DRC9: variants seen among roughly 807,000 people sequenced by gnomAD.
DRC9 encodes dynein regulatory complex protein 9.
the DRC9 span, among the ~76,000 whole-genome samples, chr3:197,951,863 A>AATTTTTGT: frequency 2.6e-5 from 4 of 151,906 alleles, no homozygotes; most frequent in Admixed American, 2.6e-4. Context: ...ACGCCCGGCT[A>AATTTTTGT]ATTTTTGTAT....
chr3:197,929,050 T>G, the DRC9 span, among the ~76,000 whole-genome samples: 3 of 152,330 alleles, frequency 2.0e-5, no homozygotes, highest in South Asian at 2.1e-4. This position sits in a 1 kb window ranked among gnomAD's most constrained non-coding sequence, Gnocchi z 4.6. Flanking sequence ...TGGTTAGTTT[T>G]GGCCAGGTTG....
the DRC9 span, among the ~76,000 whole-genome samples, chr3:197,928,083 G>A: frequency 3.9e-5 from 6 of 152,196 alleles, no homozygotes; most frequent in East Asian, 7.7e-4. Flanking sequence ...TTTTGCACAC[G>A]TGCCCTAGAA....
the DRC9 span, among the ~76,000 whole-genome samples, chr3:197,922,463 T>C: frequency 2.0e-5 from 3 of 152,144 alleles, no homozygotes. Context: ...CTCAGCACTT[T>C]GGGAGGCCGA....
chr3:197,906,772 C>CA, the DRC9 span: 3 of 152,372 alleles, frequency 2.0e-5, no homozygotes, highest in Non-Finnish European at 4.4e-5. Context: ...CCCACACCCT[C>CA]ACACCCCAGT....
chr3:197,901,148 C>T, the DRC9 span, among the ~76,000 whole-genome samples: 2 of 151,900 alleles, frequency 1.3e-5, no homozygotes, highest in African/African-American at 2.4e-5. This position sits in a 1 kb window ranked among gnomAD's most constrained non-coding sequence, Gnocchi z 4.4. Flanking sequence ...GGCCTTGACT[C>T]TTTTTTTTGA....
chr3:197,899,826 T>C, the DRC9 span, among the ~76,000 whole-genome samples: 1 of 152,070 alleles, frequency 6.6e-6, no homozygotes, highest in African/African-American at 2.4e-5. Flanking sequence ...AGGTAAGCAA[T>C]CGCAGTACCT....
At chr3:197,889,849 G>T in the DRC9 span, 3 of 1,009,754 alleles carry the variant, frequency 3.0e-6, no homozygotes, top group Non-Finnish European at 4.5e-6. Context: ...AAGTAGCCAG[G>T]CACGTAATCA....
chr3:197,931,236 C>A, the DRC9 span, among the ~76,000 whole-genome samples: 1 of 152,004 alleles, frequency 6.6e-6, no homozygotes, highest in Non-Finnish European at 1.5e-5. Context: ...AATCCCAGCA[C>A]TTTGGGAGGC....
At chr3:197,942,986 C>A in the DRC9 span, among the ~76,000 whole-genome samples, 2 of 151,448 alleles carry the variant, frequency 1.3e-5, no homozygotes, top group Admixed American at 6.6e-5. Context: ...TAAATTGTTT[C>A]CATTTTATAC....
the DRC9 span, chr3:197,952,484 CTTTCT>C: frequency 6.6e-6 from 1 of 151,374 alleles, no homozygotes; most frequent in African/African-American, 2.4e-5. Flanking sequence ...TTTTTCTTTT[CTTTCT>C]TTTCTTTTTT....
At chr3:197,933,201 C>T in the DRC9 span, among the ~76,000 whole-genome samples, 7 of 151,220 alleles carry the variant, frequency 4.6e-5, no homozygotes, top group East Asian at 1.9e-4. Context: ...CAGTGGCTCA[C>T]GCCTGTAATC....
the DRC9 span, among the ~76,000 whole-genome samples, chr3:197,906,980 T>C: frequency 6.6e-6 from 1 of 152,210 alleles, no homozygotes. Flanking sequence ...AGAATCCCAG[T>C]GGCCAAAGGC....
At chr3:197,892,524 C>T in the DRC9 span, 2 of 1,374,390 alleles carry the variant, frequency 1.5e-6, no homozygotes, top group Non-Finnish European at 1.0e-6. Flanking sequence ...TGATTCCTTC[C>T]ACTCCCTCCT....
chr3:197,931,907 G>C, the DRC9 span, among the ~76,000 whole-genome samples: 1 of 151,998 alleles, frequency 6.6e-6, no homozygotes, highest in Admixed American at 6.6e-5. Flanking sequence ...TTACAAGCGT[G>C]AGCCACCGCG....
At chr3:197,928,234 GTTATA>G in the DRC9 span, among the ~76,000 whole-genome samples, 2 of 151,362 alleles carry the variant, frequency 1.3e-5, no homozygotes, top group Admixed American at 1.3e-4. Context: ...ACAAAACTAA[GTTATA>G]TTATGGGTAT....
chr3:197,893,300 T>A, the DRC9 span, among the ~76,000 whole-genome samples: 1 of 124,988 alleles, frequency 8.0e-6, no homozygotes, highest in South Asian at 2.5e-4. Context: ...GAGGTTGCGG[T>A]AAGCCCAGAT....
the DRC9 span, among the ~76,000 whole-genome samples, chr3:197,929,161 C>T: frequency 2.5e-3 from 382 of 152,320 alleles, 2 homozygotes; most frequent in African/African-American, 8.3e-3. This position sits in a 1 kb window ranked among gnomAD's most constrained non-coding sequence, Gnocchi z 4.6. Flanking sequence ...GACCAAAAAA[C>T]ATTCTGCTTA....
At chr3:197,926,277 A>G in the DRC9 span, among the ~76,000 whole-genome samples, 2 of 152,108 alleles carry the variant, frequency 1.3e-5, no homozygotes, top group African/African-American at 2.4e-5. Context: ...TTCCCAAGCA[A>G]TGCTAACAGG....
the DRC9 span, chr3:197,889,741 G>A: frequency 4.3e-6 from 7 of 1,613,430 alleles, no homozygotes; most frequent in Admixed American, 1.7e-5. Flanking sequence ...GAGTGAGTAC[G>A]ACGTATGCTA....
Sources: gnomAD v4.1 joint callset for allele counts (sites outside exome capture counted in the v4.1 genomes callset) on GRCh38, gnomAD v4.1.1 for gene constraint, Gnocchi (gnomAD v3.1) non-coding constraint, MANE v1.5 for transcripts, NCBI Gene and HGNC (gene_info 2026-07-23, HGNC 2026-07-21) for gene names.